The following BCL2L1 variants were observed in gnomAD, a reference collection of about 807,000 sequenced individuals.
BCL2L1 encodes the protein BCL2 like 1, also known as bcl-2-like protein 1.
BCL2L1 carries 1 observed loss-of-function variant against 18.7 expected under a neutral mutation model. The ratio of observed to expected loss-of-function variants is 0.05; its 90% CI spans 0.02 to 0.25. The LOEUF is 0.25. BCL2L1 is among the 10% of genes least tolerant of loss of function. The probability of loss-of-function intolerance (pLI) is 1.00; values close to 1 mark genes in which losing one functional copy is unlikely to be tolerated. For missense variants in BCL2L1, 207 were observed against 304.9 expected, an observed-to-expected ratio of 0.68 and a Z score of 2.39; for synonymous variants, 103 against 122.7, an observed-to-expected ratio of 0.84 and a Z score of 1.06.
intron 2 of BCL2L1, among the ~76,000 whole-genome samples, chr20:31,678,023 C>G (rs1011364079): frequency 6.6e-6 from 1 of 152,178 alleles, no homozygotes; most frequent in South Asian, 2.1e-4. Flanking sequence ...GGTGATTATG[C>G]AAGGTGTCCA....
Position 31,666,011 on chromosome 20 carries a change from A to G in BCL2L1, c.640T>C (p.Phe214Leu), listed in dbSNP as rs558849192. The stretch of plus-strand genomic sequence containing the variant: ...CCGGCCACAGTCATGCCCGTCAGGA[A>G]CCAGCGGTTGAAGCGTTCCTGGCCC... ...RKGQERFNRW[F>L]LTGMTVAGVV... Residue 214 changes from phenylalanine (F) to leucine (L), a missense_variant, in exon 3 of 3, where the codon TTC (phenylalanine) becomes CTC (leucine). By Grantham distance (22) the Phe-to-Leu change is conservative. Coordinates refer to ENST00000307677, the MANE Select transcript of BCL2L1 (RefSeq NM_138578.3). 1.9e-6 allele frequency: 3 copies of G among 1,614,146 alleles called. No homozygotes were observed. The highest frequency in any genetic ancestry group is 1.1e-5 in the South Asian group (1 of 91,082).
intron 2 of BCL2L1, among the ~76,000 whole-genome samples, chr20:31,697,892 G>GTTTTTTTTTTTTTGTTTATTTT (rs1319361227): frequency 7.7e-6 from 1 of 129,640 alleles, no homozygotes; most frequent in Non-Finnish European, 1.6e-5. Context: ...TGCTGTTGCT[G>GTTTTTTTTTTTTTGTTTATTTT]TTTTTTTTTT....
intron 2 of BCL2L1, among the ~76,000 whole-genome samples, chr20:31,699,660 C>T (rs1359711157): frequency 2.6e-5 from 4 of 152,228 alleles, no homozygotes; most frequent in Non-Finnish European, 4.4e-5. Context: ...GGAAAGAAGC[C>T]TGGCTTTAGA....
chr20:31,712,416 T>C (rs977787408), intron 2 of BCL2L1, among the ~76,000 whole-genome samples: 1 of 152,226 alleles, frequency 6.6e-6, no homozygotes, highest in Non-Finnish European at 1.5e-5. Context: ...AATCTATTAA[T>C]ACATGTAAAG....
At chr20:31,669,539 G>A (rs985574606) in intron 2 of BCL2L1, among the ~76,000 whole-genome samples, 1 of 149,518 alleles carries the variant, frequency 6.7e-6, no homozygotes, top group Non-Finnish European at 1.5e-5. Context: ...TGCAACCTCC[G>A]CCTCCCGGGT....
At chr20:31,720,842 G>A in intron 2 of BCL2L1, 1 of 985,408 alleles carries the variant, frequency 1.0e-6, no homozygotes, top group Non-Finnish European at 1.2e-6. Context: ...TGCTTTGCCA[G>A]CAAACAGTGC....
At chr20:31,695,711 T>C (rs552734413) in intron 2 of BCL2L1, among the ~76,000 whole-genome samples, 1 of 152,194 alleles carries the variant, frequency 6.6e-6, no homozygotes, top group Non-Finnish European at 1.5e-5. Flanking sequence ...CCTCCCAAAG[T>C]GTTGGGATTA....
Position 31,722,342 on chromosome 20 carries a change from G to A in BCL2L1, c.-124C>T, listed in dbSNP as rs2122882215. On this transcript the variant is annotated 5_prime_UTR_variant, in exon 2 of 3. Coordinates refer to ENST00000307677, the MANE Select transcript of BCL2L1 (RefSeq NM_138578.3). ...GCCAAGATAAGATTCTGAAGGGAGA[G>A]AAAGAGCTTCAGGAAAAAAAAATAA... 1.4e-6 allele frequency: 1 copy of A among 699,896 alleles called. No homozygotes were observed. The highest frequency in any genetic ancestry group is 2.1e-6 in the Non-Finnish European group (1 of 477,556). 43.4% of individuals were successfully genotyped at this position (699,896 alleles called of 1,614,324 possible).
chr20:31,701,395 G>C (rs1206427344), intron 2 of BCL2L1, among the ~76,000 whole-genome samples: 1 of 152,150 alleles, frequency 6.6e-6, no homozygotes, highest in Non-Finnish European at 1.5e-5. Flanking sequence ...ATGAATCTGG[G>C]CAATATTTAG....
At chr20:31,687,417 G>A (rs538096930) in intron 2 of BCL2L1, among the ~76,000 whole-genome samples, 7 of 151,650 alleles carry the variant, frequency 4.6e-5, no homozygotes, top group East Asian at 3.9e-4. Flanking sequence ...TTTGGGAGGC[G>A]TCGGCCTCCC....
Position 31,677,182 on chromosome 20 carries a change from AT to A in BCL2L1, c.565-11097del, listed in dbSNP as rs552709722. Among the ~76,000 whole-genome samples, 865 of 139,506 alleles carry A rather than the reference AT, an allele frequency of 6.2e-3. 6 individuals are homozygous for A. Among genetic ancestry groups the A allele is most frequent in the African/African-American group, 0.01 (378 of 37,102 alleles). The allele number at this position is 139,506 out of a possible 152,430, so 91.5% of individuals were successfully genotyped here. On this transcript the variant is annotated intron_variant, in intron 2 of 2. Transcript: ENST00000307677. ...TGCGGATTAAAAAAATCCTTATTTAATTTTTTTTTTTTTTTTTGAGACAGAG... is the reference window on the plus strand; with the variant it reads ...TGCGGATTAAAAAAATCCTTATTTAATTTTTTTTTTTTTTTTGAGACAGAG...
At chr20:31,698,124 G>C (rs1190824421) in intron 2 of BCL2L1, among the ~76,000 whole-genome samples, 1 of 151,064 alleles carries the variant, frequency 6.6e-6, no homozygotes, top group Non-Finnish European at 1.5e-5. Context: ...CTGACCTCAA[G>C]TGATCTGCCT....
At chr20:31,667,533 G>A (rs1212292472) in intron 2 of BCL2L1, among the ~76,000 whole-genome samples, 2 of 124,900 alleles carry the variant, frequency 1.6e-5, no homozygotes, top group Admixed American at 7.6e-5. Context: ...TGAGTTACTG[G>A]CTGGTTCTTG....
At chr20:31,672,748 T>G (rs2060691213) in intron 2 of BCL2L1, among the ~76,000 whole-genome samples, 1 of 152,222 alleles carries the variant, frequency 6.6e-6, no homozygotes, top group African/African-American at 2.4e-5. Flanking sequence ...GTTGGCATGA[T>G]GCCCTGAGGA....
Position 31,721,644 on chromosome 20 carries a change from T to C in BCL2L1, c.564+11A>G. 6.3e-7 allele frequency: 1 copy of C among 1,588,926 alleles called. No individual in the cohort carries two copies. Among genetic ancestry groups the C allele is most frequent in the Non-Finnish European group, 8.6e-7 (1 of 1,166,086 alleles). On this transcript the variant is annotated intron_variant, in intron 2 of 2. Coordinates refer to ENST00000307677, the MANE Select transcript of BCL2L1 (RefSeq NM_138578.3). ...CAAAGAAAAGGGACACACAAGGGGC[T>C]TGGTTCTTACCCAGCCGCCGTTCTC...
At chr20:31,709,836 ATCTC>A (rs2061424793) in intron 2 of BCL2L1, among the ~76,000 whole-genome samples, 1 of 107,866 alleles carries the variant, frequency 9.3e-6, no homozygotes, top group Non-Finnish European at 1.8e-5. Flanking sequence ...GCAAGACTCC[ATCTC>A]AAAAAAAAAA....
intron 2 of BCL2L1, among the ~76,000 whole-genome samples, chr20:31,703,653 G>A (rs1216145657): frequency 1.9e-4 from 29 of 150,594 alleles, no homozygotes; most frequent in Admixed American, 1.9e-3. Context: ...CACCACACCC[G>A]GCTAATTTTT....
chr20:31,692,243 G>A (rs1197550992), intron 2 of BCL2L1, among the ~76,000 whole-genome samples: 1 of 152,268 alleles, frequency 6.6e-6, no homozygotes, highest in Admixed American at 6.5e-5. Context: ...TCTTGAACAT[G>A]TGCATGTGCA....
At chr20:31,670,669 T>A (rs1195628522) in intron 2 of BCL2L1, among the ~76,000 whole-genome samples, 1 of 152,218 alleles carries the variant, frequency 6.6e-6, no homozygotes, top group Non-Finnish European at 1.5e-5. Context: ...TCATTTCCAT[T>A]TCAGCTTCTT....
Sources: gnomAD v4.1 joint callset for allele counts (sites outside exome capture counted in the v4.1 genomes callset) on GRCh38, gnomAD v4.1.1 for gene constraint, MANE v1.5 for transcripts, NCBI Gene and HGNC (gene_info 2026-07-23, HGNC 2026-07-21) for gene names.